NRXN1: variants seen among roughly 807,000 people sequenced by gnomAD.
The protein encoded by NRXN1 is neurexin-1.
Under a neutral mutation model 150.9 loss-of-function variants are expected in NRXN1, and 39 were observed. The ratio of observed to expected loss-of-function variants is 0.26; its 90% CI spans 0.20 to 0.34. The LOEUF (loss-of-function observed/expected upper bound fraction) is 0.34, where lower values mean the gene tolerates loss of function less well. Among genes scored for constraint, NRXN1 ranks in the 10% least tolerant of loss-of-function variants. The pLI, the probability that NRXN1 is intolerant of heterozygous loss-of-function variation, is 1.00. For missense variants in NRXN1, 1,815 were observed against 1,949.9 expected, an observed-to-expected ratio of 0.93 and a Z score of 1.30; for synonymous variants, 924 against 757.0, an observed-to-expected ratio of 1.22 and a Z score of -3.62.
At chr2:50,250,210 C>T (rs1286186680) in intron 17 of NRXN1, among the ~76,000 whole-genome samples, 4 of 152,034 alleles carry the variant, frequency 2.6e-5, no homozygotes, top group African/African-American at 9.7e-5. Flanking sequence ...CTTGGACTAC[C>T]TTATGTACAA....
intron 5 of NRXN1, among the ~76,000 whole-genome samples, chr2:50,698,831 T>C (rs1010421595): frequency 6.6e-6 from 1 of 152,208 alleles, no homozygotes; most frequent in African/African-American, 2.4e-5. Flanking sequence ...TCATTGTTTA[T>C]GAAATGTCTG....
chr2:50,814,868 T>A (rs1668706012), intron 5 of NRXN1, among the ~76,000 whole-genome samples: 1 of 152,180 alleles, frequency 6.6e-6, no homozygotes. Flanking sequence ...GGACACCATC[T>A]GTTTGATTCA....
chr2:50,955,458 A>G (rs931793660), intron 2 of NRXN1, among the ~76,000 whole-genome samples: 1 of 152,244 alleles, frequency 6.6e-6, no homozygotes, highest in Non-Finnish European at 1.5e-5. Flanking sequence ...ATTTTAAAGC[A>G]GGCTTTTTAA....
intron 8 of NRXN1, among the ~76,000 whole-genome samples, chr2:50,581,002 T>G (rs1367892632): frequency 1.3e-5 from 2 of 152,186 alleles, no homozygotes; most frequent in African/African-American, 4.8e-5. Flanking sequence ...TTTAAAAGTA[T>G]TAAAAAATAC....
At chr2:50,702,858 A>G (rs1693940834) in intron 5 of NRXN1, among the ~76,000 whole-genome samples, 1 of 152,112 alleles carries the variant, frequency 6.6e-6, no homozygotes, top group Admixed American at 6.5e-5. Context: ...TAAAAACAGT[A>G]ACAGACAAGT....
chr2:50,610,714 T>C (rs1677951366), intron 8 of NRXN1, among the ~76,000 whole-genome samples: 1 of 127,404 alleles, frequency 7.8e-6, no homozygotes, highest in African/African-American at 2.9e-5. Flanking sequence ...ACTTAGCCCA[T>C]ATACTATAGT....
intron 5 of NRXN1, among the ~76,000 whole-genome samples, chr2:50,725,198 C>A (rs1391059233): frequency 1.3e-5 from 2 of 151,722 alleles, no homozygotes; most frequent in Non-Finnish European, 2.9e-5. Flanking sequence ...CATTTAATCT[C>A]TGAAAAACCT....
intron 2 of NRXN1, among the ~76,000 whole-genome samples, chr2:50,943,417 G>C (rs1479556154): frequency 2.6e-5 from 4 of 152,150 alleles, no homozygotes; most frequent in Non-Finnish European, 5.9e-5. Context: ...CTATGGTCCA[G>C]AGTGGTTAAG....
At chr2:50,373,478 T>C (rs2153021616) in intron 17 of NRXN1, among the ~76,000 whole-genome samples, 1 of 150,154 alleles carries the variant, frequency 6.7e-6, no homozygotes, top group South Asian at 2.1e-4. Context: ...CAGGAAGATA[T>C]AAGAACAAGA....
At chr2:51,024,086 A>AATTC (rs1670047238) in intron 2 of NRXN1, among the ~76,000 whole-genome samples, 1 of 152,214 alleles carries the variant, frequency 6.6e-6, no homozygotes, top group South Asian at 2.1e-4. Context: ...CTTGTTTTTA[A>AATTC]ACTGGATAGC....
intron 5 of NRXN1, among the ~76,000 whole-genome samples, chr2:50,649,503 T>C (rs1399804421): frequency 6.6e-6 from 1 of 152,000 alleles, no homozygotes; most frequent in Non-Finnish European, 1.5e-5. Flanking sequence ...GAATCAAACT[T>C]ACATTTTCCA....
intron 18 of NRXN1, among the ~76,000 whole-genome samples, chr2:50,140,678 T>C (rs905170430): frequency 5.9e-5 from 9 of 152,012 alleles, no homozygotes; most frequent in Non-Finnish European, 1.2e-4. Flanking sequence ...TCTTTTTTTT[T>C]TTTAATAGTA....
intron 5 of NRXN1, chr2:50,631,280 A>ATAT: frequency 3.1e-6 from 1 of 327,748 alleles, no homozygotes; most frequent in Non-Finnish European, 6.0e-6. Context: ...CACTTAGGTA[A>ATAT]ACCTCGAGAC....
chr2:50,885,506 A>G (rs1274009232), intron 5 of NRXN1, among the ~76,000 whole-genome samples: 1 of 151,366 alleles, frequency 6.6e-6, no homozygotes, highest in Non-Finnish European at 1.5e-5. Flanking sequence ...AAATCTCATC[A>G]AAGTGCTATG....
At chr2:50,924,725 T>C (rs540848763) in intron 3 of NRXN1, among the ~76,000 whole-genome samples, 29 of 151,840 alleles carry the variant, frequency 1.9e-4, no homozygotes, top group Admixed American at 1.7e-3. Flanking sequence ...ATGATTTCTT[T>C]TAAAGTTTTA....
intron 12 of NRXN1, among the ~76,000 whole-genome samples, chr2:50,524,343 C>G (rs1449680644): frequency 6.6e-6 from 1 of 151,982 alleles, no homozygotes; most frequent in East Asian, 1.9e-4. Flanking sequence ...GCCAGGCATG[C>G]TGGTGCACGC....
intron 18 of NRXN1, among the ~76,000 whole-genome samples, chr2:50,169,177 A>T (rs1174599041): frequency 1.3e-5 from 2 of 152,218 alleles, no homozygotes; most frequent in Non-Finnish European, 2.9e-5. Context: ...AATCTCAGAC[A>T]CATAGAACTT....
rs1050694651 is a variant in NRXN1, at chr2:50,952,062, G to A, written c.773-26107C>T. On this transcript the variant is annotated intron_variant, in intron 2 of 22. Transcript: ENST00000401669. ...GCTCACTGCAAGCTCCGCCTCCCGGGTTCATGCCATTCTCCTGCCTCAGCC... is the reference window on the plus strand; with the variant it reads ...GCTCACTGCAAGCTCCGCCTCCCGGATTCATGCCATTCTCCTGCCTCAGCC... 3.5e-5 allele frequency among the ~76,000 whole-genome samples: 5 copies of A among 144,406 alleles called. No homozygotes were observed. In the Admixed American group the frequency reaches 3.5e-4, roughly 10 times the overall value. The allele number at this position is 144,406 out of a possible 152,430, so 94.7% of individuals were successfully genotyped here. A position where few individuals can be genotyped will look rare whatever the true frequency, so the allele number is the denominator to read the frequency against.
At chr2:50,386,190 T>A (rs2103745211) in intron 17 of NRXN1, among the ~76,000 whole-genome samples, 1 of 152,218 alleles carries the variant, frequency 6.6e-6, no homozygotes, top group African/African-American at 2.4e-5. Context: ...ATTAAAGACA[T>A]CAATCATACA....
Sources: gnomAD v4.1 joint callset for allele counts (sites outside exome capture counted in the v4.1 genomes callset) on GRCh38, gnomAD v4.1.1 for gene constraint, MANE v1.5 for transcripts, NCBI Gene and HGNC (gene_info 2026-07-23, HGNC 2026-07-21) for gene names.